Variants in NDST3 observed in about 807,000 individuals in gnomAD.
NDST3 encodes N-deacetylase and N-sulfotransferase 3.
Under a neutral mutation model 96.1 loss-of-function variants are expected in NDST3, and 58 were observed. The observed-to-expected ratio is 0.60, with a 90% CI of 0.49 to 0.75. The LOEUF (loss-of-function observed/expected upper bound fraction) is 0.75. NDST3 is among the 30% of genes least tolerant of loss of function. NDST3 has a pLI of 0.00. For missense variants in NDST3, 788 were observed against 1,034.2 expected (o/e 0.76, Z 3.27); for synonymous variants, 333 against 359.7 (o/e 0.93, Z 0.84).
At chr4:118,040,304 T>C (rs1048217473) in intron 1 of NDST3, among the ~76,000 whole-genome samples, 1 of 152,168 alleles carries the variant, frequency 6.6e-6, no homozygotes, top group African/African-American at 2.4e-5. Context: ...GTCTGAGTTA[T>C]GAATGAACAT....
intron 4 of NDST3, among the ~76,000 whole-genome samples, chr4:118,122,992 A>G (rs1731732972): frequency 6.6e-6 from 1 of 152,214 alleles, no homozygotes; most frequent in African/African-American, 2.4e-5. Flanking sequence ...AAAATTAACA[A>G]GTAGCCATGC....
At chr4:118,069,938 G>T (rs1726913604) in intron 2 of NDST3, among the ~76,000 whole-genome samples, 1 of 151,994 alleles carries the variant, frequency 6.6e-6, no homozygotes. Flanking sequence ...AGTTTAAAAA[G>T]TTTTATTAAT....
chr4:118,194,344 T>C, intron 6 of NDST3: 1 of 732,186 alleles, frequency 1.4e-6, no homozygotes, highest in Non-Finnish European at 2.6e-6. Context: ...TCTTCTCCCT[T>C]AAACTCAAAC....
At chr4:118,152,282 A>T (rs1734450454) in intron 6 of NDST3, among the ~76,000 whole-genome samples, 1 of 152,122 alleles carries the variant, frequency 6.6e-6, no homozygotes, top group African/African-American at 2.4e-5. Flanking sequence ...TGTTGAGTTG[A>T]TATAGTTTAA....
intron 3 of NDST3, among the ~76,000 whole-genome samples, chr4:118,106,965 C>T (rs891659537): frequency 2.0e-5 from 3 of 152,198 alleles, no homozygotes; most frequent in African/African-American, 7.2e-5. Flanking sequence ...TGGCAGGCCC[C>T]TGTAGTCCCA....
chr4:118,090,982 G>C (rs2125830654), intron 2 of NDST3, among the ~76,000 whole-genome samples: 1 of 151,600 alleles, frequency 6.6e-6, no homozygotes, highest in South Asian at 2.1e-4. Context: ...TGCCTTAACT[G>C]GTGAACATTT....
intron 6 of NDST3, among the ~76,000 whole-genome samples, chr4:118,218,086 G>C (rs1275410841): frequency 6.6e-6 from 1 of 151,940 alleles, no homozygotes; most frequent in Non-Finnish European, 1.5e-5. Context: ...CCCAAGACCA[G>C]ATACACAGCC....
At chr4:118,156,549 C>G (rs1417316938) in intron 6 of NDST3, among the ~76,000 whole-genome samples, 2 of 152,182 alleles carry the variant, frequency 1.3e-5, no homozygotes, top group Non-Finnish European at 2.9e-5. Flanking sequence ...TGACTACATA[C>G]ATACTATCTT....
At chr4:118,084,180 T>C (rs749746997) in intron 2 of NDST3, among the ~76,000 whole-genome samples, 2 of 152,150 alleles carry the variant, frequency 1.3e-5, no homozygotes, top group Non-Finnish European at 1.5e-5. Flanking sequence ...GTACTGTATT[T>C]CGGATTCCTG....
intron 6 of NDST3, among the ~76,000 whole-genome samples, chr4:118,174,524 T>C (rs528200935): frequency 6.6e-6 from 1 of 152,288 alleles, no homozygotes; most frequent in Non-Finnish European, 1.5e-5. Flanking sequence ...ACTATCATTG[T>C]ACAGAGATCT....
intron 6 of NDST3, among the ~76,000 whole-genome samples, chr4:118,213,736 C>A (rs1222837651): frequency 6.7e-6 from 1 of 149,816 alleles, no homozygotes; most frequent in Non-Finnish European, 1.5e-5. Context: ...ATAATATATA[C>A]TTTTTTATAT....
At chr4:118,138,307 G>A in intron 5 of NDST3, 68 bp downstream of exon 5, 1 of 1,362,500 alleles carries the variant, frequency 7.3e-7, no homozygotes, top group Non-Finnish European at 1.0e-6. Flanking sequence ...CTTGAAGAAA[G>A]AAAAACACAA....
chr4:118,155,662 C>A (rs1256884856), intron 6 of NDST3, among the ~76,000 whole-genome samples: 3 of 152,140 alleles, frequency 2.0e-5, no homozygotes, highest in Non-Finnish European at 4.4e-5. Flanking sequence ...AGGAAATTAA[C>A]TCTTGTTTAG....
chr4:118,122,313 T>A (rs28683619), intron 4 of NDST3, among the ~76,000 whole-genome samples: 5,409 of 152,196 alleles, frequency 0.036, 141 homozygotes, highest in African/African-American at 0.072. Context: ...CGCCTTTCAT[T>A]TACTTAAGAT....
chr4:118,173,570 T>C (rs974853388), intron 6 of NDST3, among the ~76,000 whole-genome samples: 2 of 152,072 alleles, frequency 1.3e-5, no homozygotes, highest in African/African-American at 2.4e-5. Context: ...CTCAACCCTA[T>C]TAAAAAGCAG....
At chr4:118,143,865 T>C (rs756443530) in intron 6 of NDST3, among the ~76,000 whole-genome samples, 181 bp downstream of exon 6, 27 of 152,140 alleles carry the variant, frequency 1.8e-4, no homozygotes, top group Admixed American at 3.9e-4. Context: ...ATTCTACAAG[T>C]AGCAGTAACA....
chr4:118,188,333 T>C (rs926462238), intron 6 of NDST3, among the ~76,000 whole-genome samples: 1 of 148,512 alleles, frequency 6.7e-6, no homozygotes, highest in African/African-American at 2.4e-5. Flanking sequence ...ATAATTTATA[T>C]ATTAATTTGG....
chr4:118,060,235 C>T (rs2110464670), intron 2 of NDST3, among the ~76,000 whole-genome samples: 2 of 151,782 alleles, frequency 1.3e-5, no homozygotes, highest in South Asian at 4.2e-4. Context: ...AAATTATTGC[C>T]TTCTATATTT....
chr4:118,170,607 C>T (rs10023858), intron 6 of NDST3, among the ~76,000 whole-genome samples: 2,006 of 152,114 alleles, frequency 0.013, 43 homozygotes, highest in African/African-American at 0.046. Flanking sequence ...TGCACACCTG[C>T]AGTCCCAGCT....
Sources: gnomAD v4.1 joint callset for allele counts (sites outside exome capture counted in the v4.1 genomes callset) on GRCh38, gnomAD v4.1.1 for gene constraint, MANE v1.5 for transcripts, NCBI Gene and HGNC (gene_info 2026-07-23, HGNC 2026-07-21) for gene names.